IMMP2L: variants seen among roughly 807,000 people sequenced by gnomAD.
IMMP2L encodes mitochondrial inner membrane protease subunit 2.
A neutral mutation model predicts 19.3 loss-of-function variants in IMMP2L; 18 were observed. That is an observed-to-expected ratio of 0.93 (90% CI 0.64 to 1.38). The LOEUF is 1.38. IMMP2L is among the 40% of genes most tolerant of loss of function. The pLI is 0.00. For synonymous variants in IMMP2L, 76 were observed against 73.0 expected, an observed-to-expected ratio of 1.04 and a Z score of -0.21; for missense variants, 233 against 218.2, an observed-to-expected ratio of 1.07 and a Z score of -0.43.
In IMMP2L at chr7:111,516,229, G is replaced by A. The variant is rs76697282; in HGVS notation, c.135+5084C>T. Among the ~76,000 whole-genome samples, 964 of 152,164 alleles carry A rather than the reference G, an allele frequency of 6.3e-3. 12 individuals carry two copies. The highest frequency in any genetic ancestry group is 0.02 in the African/African-American group (846 of 41,530). On this transcript the variant is annotated intron_variant, in intron 2 of 5. Transcript: ENST00000405709. Reference sequence around the variant, plus strand: ...ATTAATATACCAATCAGCAAGCATCGTGACTCAGGAAGAATGTACAAGAGT... The same window carrying A: ...ATTAATATACCAATCAGCAAGCATCATGACTCAGGAAGAATGTACAAGAGT...
chr7:111,263,144 G>T (rs986394638), intron 3 of IMMP2L, among the ~76,000 whole-genome samples: 5 of 152,162 alleles, frequency 3.3e-5, no homozygotes, highest in Admixed American at 2.0e-4. Flanking sequence ...AGGGTTTGGA[G>T]TAGATAAGTG....
chr7:111,315,731 TA>T lies in IMMP2L; in HGVS notation c.239+171506del, dbSNP rs777273496. ...AAGGAAACATTTCCTAGTGGCTTCTTAAAAAAAAAAAAAAGGCTTCATTTTT... is the reference window on the plus strand; with the variant it reads ...AAGGAAACATTTCCTAGTGGCTTCTTAAAAAAAAAAAAAGGCTTCATTTTT... On this transcript the variant is annotated intron_variant, in intron 3 of 5. Coordinates refer to ENST00000405709, the MANE Select transcript of IMMP2L (RefSeq NM_032549.4). Among the ~76,000 whole-genome samples, 646 of 136,074 alleles carry T rather than the reference TA, an allele frequency of 4.7e-3. 1 individual carries two copies. The highest frequency in any genetic ancestry group is 0.016 in the Middle Eastern group (4 of 254). 89.3% of individuals were successfully genotyped at this position (136,074 alleles called of 152,430 possible).
chr7:111,004,162 T>A (rs1375810620), intron 3 of IMMP2L, among the ~76,000 whole-genome samples: 1 of 152,224 alleles, frequency 6.6e-6, no homozygotes, highest in Non-Finnish European at 1.5e-5. Flanking sequence ...CATAAGCTTC[T>A]ATAAAAGAGA....
At chr7:110,675,296 T>C (rs553419480) in intron 5 of IMMP2L, among the ~76,000 whole-genome samples, 31 of 152,218 alleles carry the variant, frequency 2.0e-4, no homozygotes, top group South Asian at 1.0e-3. Flanking sequence ...GGGAAACCAA[T>C]GGTGCAGGCC....
At chr7:111,528,204 G>A (rs750546255) in intron 1 of IMMP2L, among the ~76,000 whole-genome samples, 17 of 152,080 alleles carry the variant, frequency 1.1e-4, no homozygotes, top group Non-Finnish European at 2.2e-4. Context: ...CAGATGATCC[G>A]GTCTTTTGTT....
intron 3 of IMMP2L, among the ~76,000 whole-genome samples, chr7:111,473,566 G>T (rs1841457411): frequency 6.6e-6 from 1 of 152,142 alleles, no homozygotes; most frequent in Non-Finnish European, 1.5e-5. Flanking sequence ...GAGAATCACT[G>T]CTCCTTCAAT....
At chr7:111,226,119 T>C (rs1400325196) in intron 3 of IMMP2L, among the ~76,000 whole-genome samples, 1 of 152,006 alleles carries the variant, frequency 6.6e-6, no homozygotes, top group Non-Finnish European at 1.5e-5. Context: ...TCCCTTTTTT[T>C]CCCATTCTGT....
At position 110,662,714 on chromosome 7, in the gene IMMP2L, T is replaced by C. The variant is rs940245960; in HGVS notation, c.*888A>G. ...CTATGATTCTACTGTAACTTTGCAA[T>C]TGGTGATTTCAGTATTACAGACGTG... is the stretch of plus-strand genomic sequence containing the variant. On this transcript the variant is annotated 3_prime_UTR_variant, in exon 6 of 6. Coordinates refer to ENST00000405709, the MANE Select transcript of IMMP2L (RefSeq NM_032549.4). Among the ~76,000 whole-genome samples, 3 of 152,196 alleles carry C rather than the reference T, an allele frequency of 2.0e-5. No individual in the cohort carries two copies. The highest frequency in any genetic ancestry group is 4.4e-5 in the Non-Finnish European group (3 of 68,030).
chr7:111,214,504 GTTTTTTTTTTTT>G (rs71151836), intron 3 of IMMP2L, among the ~76,000 whole-genome samples: 1 of 97,044 alleles, frequency 1.0e-5, no homozygotes, highest in Admixed American at 1.2e-4. Flanking sequence ...CACCAAATCT[GTTTTTTTTTTTT>G]TTTTTTTTTT....
At chr7:111,386,163 C>A (rs1326619555) in intron 3 of IMMP2L, among the ~76,000 whole-genome samples, 3 of 151,882 alleles carry the variant, frequency 2.0e-5, no homozygotes, top group African/African-American at 7.3e-5. Context: ...TAGGCATAAA[C>A]CACCACTCCC....
intron 4 of IMMP2L, among the ~76,000 whole-genome samples, chr7:110,932,629 T>C (rs757603436): frequency 1.3e-5 from 2 of 152,180 alleles, no homozygotes; most frequent in Non-Finnish European, 2.9e-5. Flanking sequence ...GCTGGGATTA[T>C]AGGCGTGAGC....
intron 4 of IMMP2L, among the ~76,000 whole-genome samples, chr7:110,928,666 CTT>C (rs1815139726): frequency 6.6e-6 from 1 of 151,968 alleles, no homozygotes; most frequent in African/African-American, 2.4e-5. Context: ...CAGCACATGC[CTT>C]TTGGAGACAT....
At chr7:110,851,562 A>T (rs1023687491) in intron 5 of IMMP2L, among the ~76,000 whole-genome samples, 2 of 152,072 alleles carry the variant, frequency 1.3e-5, no homozygotes, top group Non-Finnish European at 2.9e-5. Context: ...TCAGTACCTC[A>T]TTCTCATTTT....
At chr7:111,499,994 A>C (rs2132420535) in intron 2 of IMMP2L, among the ~76,000 whole-genome samples, 1 of 152,292 alleles carries the variant, frequency 6.6e-6, no homozygotes, top group Non-Finnish European at 1.5e-5. Flanking sequence ...CACAAGCCAA[A>C]GCAGGGTGAG....
intron 4 of IMMP2L, among the ~76,000 whole-genome samples, chr7:110,959,766 G>A (rs1040800004): frequency 1.3e-5 from 2 of 151,896 alleles, no homozygotes; most frequent in South Asian, 2.1e-4. Flanking sequence ...GTGTCAATTC[G>A]CAGACTTTAC....
At chr7:111,182,911 G>C (rs1011274525) in intron 3 of IMMP2L, among the ~76,000 whole-genome samples, 2 of 151,998 alleles carry the variant, frequency 1.3e-5, no homozygotes, top group Non-Finnish European at 2.9e-5. Context: ...CCCTTAATTT[G>C]TACTATCATT....
chr7:111,207,022 A>G (rs1810784621), intron 3 of IMMP2L, among the ~76,000 whole-genome samples: 1 of 152,198 alleles, frequency 6.6e-6, no homozygotes, highest in Admixed American at 6.5e-5. Flanking sequence ...CATTTTTAAG[A>G]TTTTTAAGGA....
At chr7:110,882,324 C>G (rs1288378068) in intron 5 of IMMP2L, among the ~76,000 whole-genome samples, 1 of 105,926 alleles carries the variant, frequency 9.4e-6, no homozygotes, top group East Asian at 4.6e-4. Flanking sequence ...TTCCTTCCTT[C>G]CTTCCTTCCT....
chr7:111,549,136 C>T (rs1031363927), intron 1 of IMMP2L, among the ~76,000 whole-genome samples: 10 of 152,112 alleles, frequency 6.6e-5, no homozygotes, highest in African/African-American at 2.4e-4. Flanking sequence ...ATCTTTTTGG[C>T]AGTATTGACT....
Sources: gnomAD v4.1 joint callset for allele counts (sites outside exome capture counted in the v4.1 genomes callset) on GRCh38, gnomAD v4.1.1 for gene constraint, MANE v1.5 for transcripts, NCBI Gene and HGNC (gene_info 2026-07-23, HGNC 2026-07-21) for gene names.